The following PIAS2 variants were observed in gnomAD, a reference collection of about 807,000 sequenced individuals.
PIAS2 encodes protein inhibitor of activated STAT 2, also known as E3 SUMO-protein ligase PIAS2.
PIAS2 carries 19 observed loss-of-function variants against 69.7 expected under a neutral mutation model. The observed-to-expected ratio is 0.27, with a 90% CI of 0.19 to 0.40. The LOEUF is 0.40. PIAS2 is among the 10% of genes least tolerant of loss of function. The probability of loss-of-function intolerance (pLI) is 1.00; values close to 1 mark genes in which losing one functional copy is unlikely to be tolerated. For synonymous variants in PIAS2, 261 were observed against 263.2 expected, an observed-to-expected ratio of 0.99 and a Z score of 0.08; for missense variants, 624 against 757.0, an observed-to-expected ratio of 0.82 and a Z score of 2.06.
At chr18:46,834,392 T>C (rs1259730681) in intron 9 of PIAS2, among the ~76,000 whole-genome samples, 2 of 152,128 alleles carry the variant, frequency 1.3e-5, no homozygotes, top group Non-Finnish European at 2.9e-5. Flanking sequence ...ATATCCTCAA[T>C]CTATAATGAC....
chr18:46,821,253 T>C (rs575085585), intron 11 of PIAS2, among the ~76,000 whole-genome samples, 181 bp from the exon 12 acceptor site: 1 of 152,266 alleles, frequency 6.6e-6, no homozygotes, highest in African/African-American at 2.4e-5. Context: ...CATTTTAACA[T>C]GAACATATCT....
At chr18:46,834,827 C>T (rs2044196557) in intron 9 of PIAS2, among the ~76,000 whole-genome samples, 1 of 152,174 alleles carries the variant, frequency 6.6e-6, no homozygotes, top group Non-Finnish European at 1.5e-5. Context: ...GCTAAGAGGG[C>T]TGAGAAGTGG....
At chr18:46,892,146 T>C (rs1310841752) in intron 1 of PIAS2, among the ~76,000 whole-genome samples, 3 of 152,018 alleles carry the variant, frequency 2.0e-5, no homozygotes, top group African/African-American at 4.8e-5. Context: ...GTCTCATCAG[T>C]ATAGTGGAAA....
intron 10 of PIAS2, among the ~76,000 whole-genome samples, chr18:46,828,441 C>T (rs17182429): frequency 0.026 from 3,944 of 152,310 alleles, 74 homozygotes; most frequent in Admixed American, 0.056. Context: ...CTCATCCTGT[C>T]TCTGCAGGTC....
At chr18:46,916,705 C>T (rs1007242797) in intron 1 of PIAS2, 5 of 508,064 alleles carry the variant, frequency 9.8e-6, no homozygotes, top group Non-Finnish European at 1.3e-5. Flanking sequence ...AGATTTCTTA[C>T]TAAAACACTA....
At chr18:46,905,296 G>A (rs773615169) in intron 1 of PIAS2, among the ~76,000 whole-genome samples, 9 of 151,854 alleles carry the variant, frequency 5.9e-5, no homozygotes, top group Non-Finnish European at 1.0e-4. Context: ...AATTCACAAC[G>A]GAAAATAGAA....
chr18:46,869,152 G>C (rs2049942548), intron 2 of PIAS2, among the ~76,000 whole-genome samples: 2 of 152,206 alleles, frequency 1.3e-5, no homozygotes, highest in Admixed American at 1.3e-4. Flanking sequence ...GATTCCTGTT[G>C]TGGGGCTTAT....
rs145163953 is a variant in PIAS2 at position 46,863,938 on chromosome 18, G to A, written c.584+226C>T. ...TTTACCAGAAAAGAAAGACACCACGGATGCACTAGCACAGAGAAAAGGCCA... is the reference window on the plus strand; with the variant it reads ...TTTACCAGAAAAGAAAGACACCACGAATGCACTAGCACAGAGAAAAGGCCA... On this transcript the variant is annotated intron_variant, in intron 3 of 13. Transcript: ENST00000585916. Among the ~76,000 whole-genome samples, 9 of 152,250 alleles carry A rather than the reference G, an allele frequency of 5.9e-5. No individual in the cohort carries two copies. In the East Asian group the frequency reaches 1.7e-3, roughly 29 times the overall value.
chr18:46,868,223 T>C (rs1237615576), intron 2 of PIAS2, among the ~76,000 whole-genome samples: 2 of 152,142 alleles, frequency 1.3e-5, no homozygotes, highest in Non-Finnish European at 2.9e-5. Flanking sequence ...TCTTCAAAGG[T>C]TTAATTTCTG....
At chr18:46,830,038 A>G (rs535119800) in intron 9 of PIAS2, among the ~76,000 whole-genome samples, 171 bp from the exon 10 acceptor site, 96 of 152,252 alleles carry the variant, frequency 6.3e-4, no homozygotes, top group Non-Finnish European at 1.1e-3. Flanking sequence ...CCTTTGTCCT[A>G]TGTTTTAAAT....
At chr18:46,820,653 A>T (rs2042066907) in intron 12 of PIAS2, among the ~76,000 whole-genome samples, 2 of 147,594 alleles carry the variant, frequency 1.4e-5, no homozygotes, top group Admixed American at 6.6e-5. Flanking sequence ...TAAAGAAACC[A>T]AGAAGAAGTC....
intron 3 of PIAS2, among the ~76,000 whole-genome samples, chr18:46,862,605 C>T (rs896297089): frequency 6.6e-6 from 1 of 151,926 alleles, no homozygotes; most frequent in African/African-American, 2.4e-5. Context: ...GTTTTGTTAA[C>T]ACTAAAGGTG....
At chr18:46,820,087 T>C (rs1412429094) in intron 12 of PIAS2, among the ~76,000 whole-genome samples, 1 of 152,154 alleles carries the variant, frequency 6.6e-6, no homozygotes, top group African/African-American at 2.4e-5. Context: ...CCTGGCTCCA[T>C]CATGCTCCAT....
chr18:46,886,674 C>T (rs2053243874), intron 2 of PIAS2, among the ~76,000 whole-genome samples: 1 of 152,060 alleles, frequency 6.6e-6, no homozygotes, highest in African/African-American at 2.4e-5. Flanking sequence ...CCCATCTCTA[C>T]TAAAAATACA....
intron 5 of PIAS2, among the ~76,000 whole-genome samples, chr18:46,854,177 T>C (rs1370191459): frequency 2.6e-5 from 4 of 152,202 alleles, no homozygotes; most frequent in Non-Finnish European, 5.9e-5. Flanking sequence ...ATGGAATTTC[T>C]TCACTTTGGG....
intron 2 of PIAS2, among the ~76,000 whole-genome samples, chr18:46,886,568 T>C (rs949690877): frequency 1.1e-4 from 17 of 152,200 alleles, no homozygotes; most frequent in Admixed American, 4.6e-4. Context: ...CCAGGTGCAG[T>C]GGATCACACC....
At position 46,807,384 on chromosome 18, in the gene PIAS2, T is replaced by TATA. The variant is rs1491456025; in HGVS notation, c.*5048_*5049insTAT. On this transcript the variant is annotated 3_prime_UTR_variant, in exon 14 of 14. Coordinates refer to ENST00000585916, the MANE Select transcript of PIAS2 (RefSeq NM_004671.5). ...ATATATATATATATATATATATATA[T>TATA]TTTTTTTTTTTTTTTTTTTTTTTTT... The TATA allele has an allele frequency of 2.2e-3, 40 of 18,602 alleles. No homozygotes were observed. Among genetic ancestry groups the TATA allele is most frequent in the African/African-American group, 3.2e-3 (10 of 3,128 alleles). The allele number at this position is 18,602 out of a possible 1,614,324, so 1.2% of individuals were successfully genotyped here.
chr18:46,911,356 C>A (rs912019752), intron 1 of PIAS2, among the ~76,000 whole-genome samples: 11 of 151,950 alleles, frequency 7.2e-5, no homozygotes, highest in African/African-American at 2.7e-4. Context: ...GCTGGGATTA[C>A]AGGTGCCCAC....
At chr18:46,814,622 G>T (rs2041319956) in intron 13 of PIAS2, among the ~76,000 whole-genome samples, 1 of 152,132 alleles carries the variant, frequency 6.6e-6, no homozygotes, top group African/African-American at 2.4e-5. Flanking sequence ...ATGAAGCAGT[G>T]ACCCGTGGTT....
Sources: gnomAD v4.1 joint callset for allele counts (sites outside exome capture counted in the v4.1 genomes callset) on GRCh38, gnomAD v4.1.1 for gene constraint, MANE v1.5 for transcripts, NCBI Gene and HGNC (gene_info 2026-07-23, HGNC 2026-07-21) for gene names.